Variants in TBC1D30 observed in about 807,000 individuals in gnomAD.
TBC1D30 encodes the protein TBC1 domain family, member 30.
Under a neutral mutation model 63.2 loss-of-function variants are expected in TBC1D30, and 31 were observed. That is an observed-to-expected ratio of 0.49 (90% CI 0.37 to 0.66). The LOEUF (loss-of-function observed/expected upper bound fraction) is 0.66. Among genes scored for constraint, TBC1D30 ranks in the 30% least tolerant of loss-of-function variants. The pLI is 0.00. For missense variants in TBC1D30, 810 were observed against 953.6 expected (o/e 0.85, Z 1.98); for synonymous variants, 307 against 361.5 (o/e 0.85, Z 1.71).
exon 1 of TBC1D30, chr12:64,780,904 G>C: frequency 6.8e-6 from 7 of 1,034,288 alleles, no homozygotes; most frequent in Non-Finnish European, 8.2e-6. Flanking sequence ...AGAGTCAGGA[G>C]GAAGAAACGA....
chr12:64,859,231 A>T (rs1877576812), intron 8 of TBC1D30, among the ~76,000 whole-genome samples: 1 of 152,086 alleles, frequency 6.6e-6, no homozygotes, highest in South Asian at 2.1e-4. Flanking sequence ...ATACTGCATA[A>T]GTGTGAGGGG....
At chr12:64,799,603 G>A (rs558581367) in intron 2 of TBC1D30, among the ~76,000 whole-genome samples, 7 of 152,286 alleles carry the variant, frequency 4.6e-5, no homozygotes, top group African/African-American at 1.4e-4. Flanking sequence ...TTAACTCTTC[G>A]GGAAAGGATT....
chr12:64,805,145 A>G (rs544478812), intron 2 of TBC1D30, among the ~76,000 whole-genome samples: 11 of 152,182 alleles, frequency 7.2e-5, no homozygotes, highest in African/African-American at 2.2e-4. Flanking sequence ...AGGTTGCAGT[A>G]AGCTGAGATC....
chr12:64,847,031 T>C (rs1470723526), intron 8 of TBC1D30, among the ~76,000 whole-genome samples: 2 of 152,198 alleles, frequency 1.3e-5, no homozygotes, highest in Non-Finnish European at 2.9e-5. Flanking sequence ...TTTTCTTTAC[T>C]GGGAGATTTT....
chr12:64,876,071 A>G lies in TBC1D30; in HGVS notation c.*283A>G. ...ATTTTTCATTGTGAGCTGTTTAAAA[A>G]AGACTATATCTAGATTGTTAACTCT... On this transcript the variant is annotated 3_prime_UTR_variant, in exon 12 of 12. Transcript: ENST00000539867. 1 of 362,574 alleles carries G rather than the reference A, an allele frequency of 2.8e-6. No homozygotes were observed. The allele number at this position is 362,574 out of a possible 1,614,324, so 22.5% of individuals were successfully genotyped here.
At chr12:64,864,275 C>T (rs1878031213) in intron 8 of TBC1D30, among the ~76,000 whole-genome samples, 1 of 152,178 alleles carries the variant, frequency 6.6e-6, no homozygotes, top group African/African-American at 2.4e-5. Flanking sequence ...GTCTAAAAAT[C>T]ATCTAACAGA....
chr12:64,761,750 G>A (rs1052512453), intron 1 of TBC1D30, among the ~76,000 whole-genome samples: 4 of 152,138 alleles, frequency 2.6e-5, no homozygotes, highest in African/African-American at 4.8e-5. Flanking sequence ...AGTAGCCCTC[G>A]GGCTGCTCTG....
intron 5 of TBC1D30, among the ~76,000 whole-genome samples, chr12:64,832,655 C>T (rs987555326): frequency 2.0e-5 from 3 of 152,196 alleles, no homozygotes; most frequent in Non-Finnish European, 4.4e-5. Flanking sequence ...CTAGGCACAG[C>T]CTAACTGCCT....
Position 64,880,252 on chromosome 12 carries a change from G to T in TBC1D30, c.*4464G>T, listed in dbSNP as rs1316068986. On this transcript the variant is annotated 3_prime_UTR_variant, in exon 12 of 12. Coordinates refer to ENST00000539867, the MANE Select transcript of TBC1D30 (RefSeq NM_015279.2). ...GGCAGCCAGTGCTCACCTGAATGGG[G>T]ACTGGTACTGTAGGTATTGGGTCAG... 6.6e-6 allele frequency: 1 copy of T among 152,296 alleles called. No homozygotes were observed. The highest frequency in any genetic ancestry group is 2.4e-5 in the African/African-American group (1 of 41,458). The allele number at this position is 152,296 out of a possible 1,614,324, so 9.4% of individuals were successfully genotyped here. A position where few individuals can be genotyped will look rare whatever the true frequency, so the allele number is the denominator to read the frequency against.
At chr12:64,828,358 C>T (rs1874545502) in intron 2 of TBC1D30, 86 bp from the exon 3 acceptor site, 4 of 984,016 alleles carry the variant, frequency 4.1e-6, no homozygotes. Context: ...TCAGCACATT[C>T]TATGAATGTC....
rs1427139470 is a variant in TBC1D30 at position 64,875,835 on chromosome 12, T to C, written c.*47T>C. ...CTGGACTCACCTTTTCACAGTAGTA[T>C]AAGGGTTGCAGCTGAATGGCTCTAA... On this transcript the variant is annotated 3_prime_UTR_variant, in exon 12 of 12. Coordinates refer to ENST00000539867, the MANE Select transcript of TBC1D30 (RefSeq NM_015279.2). 3 of 1,467,722 alleles carry C rather than the reference T, an allele frequency of 2.0e-6. No homozygotes were observed. The highest frequency in any genetic ancestry group is 5.0e-5 in the East Asian group (2 of 40,400). The allele number at this position is 1,467,722 out of a possible 1,614,324, so 90.9% of individuals were successfully genotyped here.
At chr12:64,848,458 T>C (rs1251586624) in intron 8 of TBC1D30, among the ~76,000 whole-genome samples, 1 of 152,136 alleles carries the variant, frequency 6.6e-6, no homozygotes, top group Non-Finnish European at 1.5e-5. Context: ...CGGTATGTGA[T>C]GTTCCCCTCC....
chr12:64,811,854 G>A (rs60677607), intron 2 of TBC1D30, among the ~76,000 whole-genome samples: 5,495 of 152,228 alleles, frequency 0.036, 327 homozygotes, highest in African/African-American at 0.12. Flanking sequence ...AACTTAAATG[G>A]GGGCTGTGAA....
At chr12:64,856,180 G>T (rs946496277) in intron 8 of TBC1D30, among the ~76,000 whole-genome samples, 2 of 151,766 alleles carry the variant, frequency 1.3e-5, no homozygotes, top group South Asian at 2.1e-4. Flanking sequence ...GGGTGGGGGC[G>T]GTGCCACACA....
At chr12:64,774,862 G>A (rs1448331350) in intron 1 of TBC1D30, among the ~76,000 whole-genome samples, 1 of 152,112 alleles carries the variant, frequency 6.6e-6, no homozygotes, top group African/African-American at 2.4e-5. Context: ...GGAGGCCAAG[G>A]TGGGCACATT....
rs1409887571 is a variant in TBC1D30 at position 64,866,836 on chromosome 12, G to C, written c.1224G>C (p.Val408=). The C allele has an allele frequency of 9.1e-6, 14 of 1,536,374 alleles. No homozygotes were observed. Among genetic ancestry groups the C allele is most frequent in the African/African-American group, 2.7e-5 (2 of 73,124 alleles). Residue 408 remains valine (V), a synonymous_variant, in exon 10 of 12, where the codon GTG becomes GTC. Coordinates refer to ENST00000539867, the MANE Select transcript of TBC1D30 (RefSeq NM_015279.2). ...PDDEDAVVNA[V]GCLGPFSGFL... ...ATGAGGATGCTGTCGTTAATGCAGTGGGGTGTCTTGGACCTTTTAGTGGGT... is the reference window on the plus strand; with the variant it reads ...ATGAGGATGCTGTCGTTAATGCAGTCGGGTGTCTTGGACCTTTTAGTGGGT...
chr12:64,825,193 T>G (rs1874207099), intron 1 of TBC1D30, among the ~76,000 whole-genome samples, 160 bp downstream of exon 1: 1 of 152,170 alleles, frequency 6.6e-6, no homozygotes, highest in Non-Finnish European at 1.5e-5. Context: ...GAGCGATTGG[T>G]CTGGAAGGGT....
At chr12:64,761,163 G>A (rs1185144761) in intron 1 of TBC1D30, among the ~76,000 whole-genome samples, 1 of 152,214 alleles carries the variant, frequency 6.6e-6, no homozygotes, top group African/African-American at 2.4e-5. Flanking sequence ...TAATCCTTCT[G>A]TATTCAGGTT....
At chr12:64,790,485 A>G (rs17823705) in intron 2 of TBC1D30, among the ~76,000 whole-genome samples, 18,520 of 152,196 alleles carry the variant, frequency 0.12, 1,390 homozygotes, top group East Asian at 0.3. Context: ...TGTTTAAGTT[A>G]TGCTGATTGA....
Sources: allele counts gnomAD v4.1 joint callset (sites outside exome capture counted in the v4.1 genomes callset), GRCh38; gene constraint gnomAD v4.1.1; transcripts MANE v1.5; gene names NCBI Gene and HGNC (gene_info 2026-07-23, HGNC 2026-07-21).